Variants in ARFGEF3 observed in about 807,000 individuals in gnomAD.
ARFGEF3 encodes the protein brefeldin A-inhibited guanine nucleotide-exchange protein 3.
ARFGEF3 carries 96 observed loss-of-function variants against 221.7 expected under a neutral mutation model. The observed-to-expected ratio is 0.43, with a 90% confidence interval of 0.37 to 0.51. The LOEUF (loss-of-function observed/expected upper bound fraction) is 0.51. Ranked by LOEUF, ARFGEF3 falls within the 20% of genes least tolerant of loss-of-function variation. ARFGEF3 has a pLI of 0.00. For missense variants in ARFGEF3, 2,410 were observed against 2,789.9 expected (o/e 0.86, Z 3.07); for synonymous variants, 1,145 against 1,126.8 (o/e 1.02, Z -0.32).
At chr6:138,257,520 C>T (rs562039233) in intron 10 of ARFGEF3, among the ~76,000 whole-genome samples, 2 of 152,310 alleles carry the variant, frequency 1.3e-5, no homozygotes, top group South Asian at 2.1e-4. Flanking sequence ...GAAATTTCCT[C>T]CCACAAAGAC....
In ARFGEF3 at chr6:138,278,264, G is replaced by T. The variant is rs566519731; in HGVS notation, c.2129-187G>T. Among the ~76,000 whole-genome samples, 7 of 152,310 alleles carry T rather than the reference G, an allele frequency of 4.6e-5. No homozygotes were observed. In the South Asian group the frequency reaches 1.2e-3, roughly 27 times the overall value. On this transcript the variant is annotated intron_variant, in intron 12 of 33. Coordinates refer to ENST00000251691, the MANE Select transcript of ARFGEF3 (RefSeq NM_020340.5). ...GGCCCAGGCAGATCCACTCCTGAGC[G>T]CATGCTCTTTGCCACCAGGCTGGGG...
In ARFGEF3 at chr6:138,258,753, G is replaced by A. The variant is rs116599190; in HGVS notation, c.1105-2774G>A. Among the ~76,000 whole-genome samples the A allele has an allele frequency of 8.7e-4, 132 of 152,260 alleles. 1 individual carries two copies. Among genetic ancestry groups the A allele is most frequent in the African/African-American group, 2.9e-3 (119 of 41,544 alleles). ...AGTGTTTAGTAACTTTTGACTGACC[G>A]ACATGTGGACCTGAAGACAAAATGT... On this transcript the variant is annotated intron_variant, in intron 10 of 33. Transcript: ENST00000251691.
At chr6:138,163,342 T>C (rs1198341075) in intron 1 of ARFGEF3, among the ~76,000 whole-genome samples, 1 of 152,228 alleles carries the variant, frequency 6.6e-6, no homozygotes, top group Non-Finnish European at 1.5e-5. Flanking sequence ...TTGACCATTC[T>C]AGCTTACTGT....
intron 14 of ARFGEF3, among the ~76,000 whole-genome samples, chr6:138,284,403 T>A (rs1177515411): frequency 6.6e-6 from 1 of 152,332 alleles, no homozygotes; most frequent in East Asian, 1.9e-4. Flanking sequence ...CATCCAAGTA[T>A]GTATATTTCA....
chr6:138,253,822 C>G, intron 8 of ARFGEF3, 58 bp from the exon 9 acceptor site: 2 of 1,347,040 alleles, frequency 1.5e-6, no homozygotes, highest in Middle Eastern at 1.8e-4. Context: ...CCACACATCA[C>G]CTCTTTAATT....
intron 12 of ARFGEF3, 92 bp downstream of exon 12, chr6:138,263,703 TG>T: frequency 1.7e-6 from 2 of 1,184,796 alleles, no homozygotes; most frequent in Non-Finnish European, 2.4e-6. Flanking sequence ...TAGTTTGACG[TG>T]CTCAAAGCAT....
In ARFGEF3 at chr6:138,291,984, G is replaced by A. The variant is rs1779418579; in HGVS notation, c.3299G>A (p.Arg1100His). 4.6e-6 allele frequency: 7 copies of A among 1,535,196 alleles called. No homozygotes were observed. The highest frequency in any genetic ancestry group is 2.5e-5 in the East Asian group (1 of 39,442). The change falls in exon 19 of 34, where the codon CGC (arginine) becomes CAC (histidine). Residue 1100 changes from arginine to histidine, a missense_variant. Physicochemically the swap from Arg to His is conservative, Grantham distance 29. Transcript: ENST00000251691. The surrounding 1 kb of genome is among the most constrained non-coding windows in gnomAD (Gnocchi z 4.5). ...AGCCGGGGTCGGGCCTCCGACTTCC[G>A]CGGCGGGAGCCTCATGAGCGGGAGC... ...EGSRGRASDF[R>H]GGSLMSGSSA...
At chr6:138,168,136 G>A (rs1582991615) in intron 1 of ARFGEF3, among the ~76,000 whole-genome samples, 1 of 152,180 alleles carries the variant, frequency 6.6e-6, no homozygotes, top group South Asian at 2.1e-4. Flanking sequence ...AACATGGTGA[G>A]CAAAACATGC....
chr6:138,202,299 G>A (rs761403078), intron 2 of ARFGEF3, among the ~76,000 whole-genome samples: 2 of 152,128 alleles, frequency 1.3e-5, no homozygotes, highest in Non-Finnish European at 2.9e-5. Context: ...GTGCCATGTT[G>A]CATTTTCATT....
Position 138,286,793 on chromosome 6 carries a change from T to C in ARFGEF3, c.2662T>C (p.Ser888Pro), listed in dbSNP as rs748394001. The C allele has an allele frequency of 3.7e-6, 6 of 1,613,896 alleles. No individual in the cohort carries two copies. In the Admixed American group the frequency reaches 6.7e-5, roughly 18 times the overall value. ...ACTGACTGGTCGAATGGCGGGGAGC[T>C]CCAAAGGGCTGGCCTTCATTCTGGG... ...TPLTGRMAGSSKGLAFILGAE... is the reference protein window; with the variant it reads ...TPLTGRMAGSPKGLAFILGAE... Residue 888 changes from serine to proline, a missense_variant, in exon 16 of 34, where the codon TCC becomes CCC. This residue lies in a region of ARFGEF3 where 594 missense variants were observed against 734.3 expected (regional missense o/e 0.81). Transcript: ENST00000251691.
chr6:138,227,185 G>A (rs1373478473), intron 4 of ARFGEF3, among the ~76,000 whole-genome samples: 2 of 140,760 alleles, frequency 1.4e-5, no homozygotes, highest in African/African-American at 3.0e-5. Flanking sequence ...AGCTTCTGTG[G>A]ACTGTTGTTG....
At position 138,261,592 on chromosome 6, in the gene ARFGEF3, A is replaced by T. The variant is rs548265697; in HGVS notation, c.1170A>T (p.Arg390Ser). 5 of 1,576,686 alleles carry T rather than the reference A, an allele frequency of 3.2e-6. No homozygotes were observed. The South Asian group carries it at 5.8e-5, about 18-fold the overall frequency. The change falls in exon 11 of 34, where the codon AGA becomes AGT. Residue 390 changes from arginine to serine, a missense_variant. Physicochemically the swap from Arg to Ser is moderately radical, Grantham distance 110 (BLOSUM62 -1). Around this residue, in one of 5 missense-constraint regions of ARFGEF3, gnomAD observed 570 missense variants for 586.9 expected, o/e 0.97. Transcript: ENST00000251691. Reference protein sequence around the residue: ...AGPSSTESESRKRSISKRKSH... With the variant: ...AGPSSTESESSKRSISKRKSH... ...CCAGCTCCACTGAATCAGAGTCCAG[A>T]AAAAGATCAATTTCAAAAAGAAAGT...
chr6:138,331,473 G>A (rs1010615843), intron 32 of ARFGEF3, among the ~76,000 whole-genome samples: 11 of 152,230 alleles, frequency 7.2e-5, no homozygotes, highest in African/African-American at 2.7e-4. Flanking sequence ...TCCTTTAGAT[G>A]TAATCCTAAA....
At chr6:138,323,997 A>G (rs1379412744) in intron 30 of ARFGEF3, 26 bp from the exon 31 acceptor site, 3 of 1,608,356 alleles carry the variant, frequency 1.9e-6, no homozygotes, top group Admixed American at 1.7e-5. Flanking sequence ...GGATGCATTC[A>G]GTGAGCATCT....
At chr6:138,270,109 T>C (rs903732429) in intron 12 of ARFGEF3, among the ~76,000 whole-genome samples, 2 of 152,094 alleles carry the variant, frequency 1.3e-5, no homozygotes, top group African/African-American at 4.8e-5. Context: ...TCAGGAGCTC[T>C]CTGGAAGCGC....
At chr6:138,247,323 CT>C (rs1778501919) in intron 8 of ARFGEF3, among the ~76,000 whole-genome samples, 1 of 152,180 alleles carries the variant, frequency 6.6e-6, no homozygotes, top group African/African-American at 2.4e-5. Context: ...TGTAAGGCCC[CT>C]ATGCCACCTG....
chr6:138,236,371 A>G (rs1456321679), intron 5 of ARFGEF3, among the ~76,000 whole-genome samples: 3 of 152,254 alleles, frequency 2.0e-5, no homozygotes, highest in Non-Finnish European at 2.9e-5. Context: ...TACAAATGAT[A>G]CACAATGGAG....
At chr6:138,193,091 G>A (rs1437147169) in intron 2 of ARFGEF3, among the ~76,000 whole-genome samples, 2 of 152,104 alleles carry the variant, frequency 1.3e-5, no homozygotes, top group Non-Finnish European at 2.9e-5. Context: ...TCAAAAGCTG[G>A]CTCAAAGCTC....
intron 32 of ARFGEF3, among the ~76,000 whole-genome samples, chr6:138,331,730 C>T (rs1040745363): frequency 2.6e-5 from 4 of 152,164 alleles, no homozygotes; most frequent in African/African-American, 9.7e-5. Context: ...AAGGTGTGCT[C>T]AGAAAAAGCT....
Sources: allele counts gnomAD v4.1 joint callset (sites outside exome capture counted in the v4.1 genomes callset), GRCh38; gene constraint gnomAD v4.1.1; regional missense constraint gnomAD v4.1.1; non-coding constraint Gnocchi (gnomAD v3.1); transcripts MANE v1.5; gene names NCBI Gene and HGNC (gene_info 2026-07-23, HGNC 2026-07-21).